Variants in PCNX2 observed in about 807,000 individuals in gnomAD.
PCNX2 encodes the protein pecanex 2.
A neutral mutation model predicts 223.8 loss-of-function variants in PCNX2; 168 were observed. The ratio of observed to expected loss-of-function variants is 0.75; its 90% CI spans 0.66 to 0.85. The LOEUF (loss-of-function observed/expected upper bound fraction) is 0.85, where lower values mean the gene tolerates loss of function less well. Among genes scored for constraint, PCNX2 ranks in the 40% least tolerant of loss-of-function variants. The pLI, the probability that PCNX2 is intolerant of heterozygous loss-of-function variation, is 0.00. For synonymous variants in PCNX2, 1,006 were observed against 1,052.6 expected (o/e 0.96, Z 0.86); for missense variants, 2,507 against 2,675.5 (o/e 0.94, Z 1.39).
At chr1:233,272,135 A>G (rs909821188) in intron 1 of PCNX2, among the ~76,000 whole-genome samples, 1 of 152,226 alleles carries the variant, frequency 6.6e-6, no homozygotes, top group African/African-American at 2.4e-5. Flanking sequence ...GCAATTGTAA[A>G]TAAGTAGGAC....
At chr1:233,252,091 G>T (rs1167764665) in intron 7 of PCNX2, among the ~76,000 whole-genome samples, 1 of 152,208 alleles carries the variant, frequency 6.6e-6, no homozygotes, top group Non-Finnish European at 1.5e-5. Context: ...ATTAAGTCTG[G>T]GGAGTTCAGG....
chr1:233,167,948 AAG>A (rs1678899040), intron 17 of PCNX2: 2 of 584,514 alleles, frequency 3.4e-6, no homozygotes, highest in Non-Finnish European at 4.3e-6. Flanking sequence ...GTAATATAAA[AAG>A]AGAATTTACT....
chr1:233,216,916 G>A (rs1242007563), intron 12 of PCNX2, among the ~76,000 whole-genome samples: 3 of 152,132 alleles, frequency 2.0e-5, no homozygotes, highest in African/African-American at 7.2e-5. Context: ...CAACAACACT[G>A]ATGAATCTAG....
chr1:233,166,751 G>A (rs1479513553), intron 17 of PCNX2, among the ~76,000 whole-genome samples: 1 of 152,094 alleles, frequency 6.6e-6, no homozygotes, highest in African/African-American at 2.4e-5. Context: ...ATATTATTCT[G>A]CTCCAAAAAT....
intron 1 of PCNX2, among the ~76,000 whole-genome samples, chr1:233,264,957 G>A (rs751034572): frequency 7.9e-5 from 12 of 152,090 alleles, no homozygotes; most frequent in Admixed American, 5.9e-4. Context: ...ATGATATTCC[G>A]CCAGGCATAG....
intron 1 of PCNX2, chr1:233,290,575 C>A (rs1294328): frequency 0.026 from 6,705 of 260,834 alleles, 388 homozygotes; most frequent in African/African-American, 0.13. Flanking sequence ...TAATGACACA[C>A]CAGAATGGGA....
chr1:233,046,994 C>G (rs1380456095), intron 25 of PCNX2, among the ~76,000 whole-genome samples: 2 of 152,176 alleles, frequency 1.3e-5, no homozygotes, highest in Non-Finnish European at 1.5e-5. Context: ...TCAGATTTCC[C>G]CTTTTCAAAC....
intron 1 of PCNX2, among the ~76,000 whole-genome samples, chr1:233,293,145 A>G (rs967020933): frequency 1.3e-5 from 2 of 152,252 alleles, no homozygotes; most frequent in Non-Finnish European, 2.9e-5. Flanking sequence ...GTAGACATCA[A>G]ATCTTAAGTA....
At chr1:233,203,300 A>C (rs1251395966) in intron 13 of PCNX2, among the ~76,000 whole-genome samples, 2 of 152,242 alleles carry the variant, frequency 1.3e-5, no homozygotes, top group African/African-American at 4.8e-5. Flanking sequence ...TTTCAAAGCC[A>C]GTCTCACTCA....
At chr1:232,993,690 G>A (rs1257065404) in intron 32 of PCNX2, among the ~76,000 whole-genome samples, 1 of 152,228 alleles carries the variant, frequency 6.6e-6, no homozygotes, top group South Asian at 2.1e-4. Context: ...AGATCTTCAC[G>A]GAAGCCCCTC....
rs576675121 is a variant in PCNX2, at chr1:233,083,083, T to C, written c.4076+6978A>G. On this transcript the variant is annotated intron_variant, in intron 23 of 33. Coordinates refer to ENST00000258229, the MANE Select transcript of PCNX2 (RefSeq NM_014801.4). ...AAATATTTTGTAAAATAATGAGACATTTTAGATTTTAAGAGGCATGAATGA... is the reference window on the plus strand; with the variant it reads ...AAATATTTTGTAAAATAATGAGACACTTTAGATTTTAAGAGGCATGAATGA... 2.6e-5 allele frequency among the ~76,000 whole-genome samples: 4 copies of C among 152,226 alleles called. No individual in the cohort carries two copies. The East Asian group carries it at 7.7e-4, about 29-fold the overall frequency.
At chr1:233,166,094 C>A (rs1035453866) in intron 17 of PCNX2, among the ~76,000 whole-genome samples, 1 of 151,970 alleles carries the variant, frequency 6.6e-6, no homozygotes, top group East Asian at 1.9e-4. Context: ...GACAAAAGTG[C>A]AATGGTGAAA....
chr1:233,210,933 T>C (rs1681779031), intron 12 of PCNX2, among the ~76,000 whole-genome samples: 1 of 152,150 alleles, frequency 6.6e-6, no homozygotes, highest in Admixed American at 6.5e-5. Context: ...ACCCAAATGC[T>C]AGTCTCAGTG....
At position 233,068,246 on chromosome 1, in the gene PCNX2, C is replaced by T. The variant is rs79958616; in HGVS notation, c.4077-10956G>A. Reference sequence around the variant, plus strand: ...TATCCTTTTGGAATGAAGAAAATTTCATTCCAAGGCATTCTCAAAGGAAGA... The same window carrying T: ...TATCCTTTTGGAATGAAGAAAATTTTATTCCAAGGCATTCTCAAAGGAAGA... On this transcript the variant is annotated intron_variant, in intron 23 of 33. Coordinates refer to ENST00000258229, the MANE Select transcript of PCNX2 (RefSeq NM_014801.4). Among the ~76,000 whole-genome samples, 649 of 152,146 alleles carry T rather than the reference C, an allele frequency of 4.3e-3. 5 individuals carry two copies. Among genetic ancestry groups the T allele is most frequent in the African/African-American group, 0.014 (572 of 41,504 alleles).
chr1:233,034,730 C>A (rs73103491), intron 25 of PCNX2, among the ~76,000 whole-genome samples: 4 of 152,024 alleles, frequency 2.6e-5, no homozygotes, highest in African/African-American at 9.7e-5. Flanking sequence ...AAAATCAAAC[C>A]AAAATATTCC....
At position 233,198,920 on chromosome 1, in the gene PCNX2, C is replaced by A; in HGVS notation, c.3066+19G>T. 6.3e-7 allele frequency: 1 copy of A among 1,581,536 alleles called. No individual in the cohort carries two copies. The highest frequency in any genetic ancestry group is 1.1e-5 in the South Asian group (1 of 87,000). On this transcript the variant is annotated intron_variant, in intron 15 of 33. Transcript: ENST00000258229. ...TTAATGAATCGAGAAGGATGAGGGC[C>A]CATGGTCCTCACACCTACCTTCACT... is the stretch of plus-strand genomic sequence containing the variant.
chr1:233,302,498 C>T, the PCNX2 span, among the ~76,000 whole-genome samples: 1 of 151,890 alleles, frequency 6.6e-6, no homozygotes, highest in Non-Finnish European at 1.5e-5. Context: ...TCAGCTTTTT[C>T]ATCTTCTTTA....
chr1:233,139,796 A>G lies in PCNX2; in HGVS notation c.3577T>C (p.Tyr1193His), dbSNP rs763935906. 3.1e-6 allele frequency: 5 copies of G among 1,613,494 alleles called. No homozygotes were observed. The South Asian group carries it at 5.5e-5, about 18-fold the overall frequency. The change falls in exon 20 of 34, where the codon TAC becomes CAC. Residue 1193 changes from tyrosine to histidine, a missense_variant. Physicochemically the swap from Tyr to His is moderately conservative, Grantham distance 83. Coordinates refer to ENST00000258229, the MANE Select transcript of PCNX2 (RefSeq NM_014801.4). This position sits in a 1 kb window ranked among gnomAD's most constrained non-coding sequence, Gnocchi z 4.4. ...LYVWLQCFEKYILYPALILNA... is the reference protein window; with the variant it reads ...LYVWLQCFEKHILYPALILNA... ...AAAATTAGCGCTGGGTACAAGATGT[A>G]TTTTTCAAAACACTGAAGCCAAACA...
intron 1 of PCNX2, among the ~76,000 whole-genome samples, chr1:233,282,383 A>G (rs1379263252): frequency 1.3e-5 from 2 of 152,110 alleles, no homozygotes; most frequent in Non-Finnish European, 2.9e-5. Flanking sequence ...TTGTTCCTTT[A>G]AACTCCCCAC....
Sources: allele counts gnomAD v4.1 joint callset (sites outside exome capture counted in the v4.1 genomes callset), GRCh38; gene constraint gnomAD v4.1.1; non-coding constraint Gnocchi (gnomAD v3.1); transcripts MANE v1.5; gene names NCBI Gene and HGNC (gene_info 2026-07-23, HGNC 2026-07-21).